Variants in IPO7 observed in about 807,000 individuals in gnomAD.
The protein encoded by IPO7 is importin-7.
IPO7 carries 13 observed loss-of-function variants against 136.4 expected under a neutral mutation model. The ratio of observed to expected loss-of-function variants is 0.10; its 90% CI spans 0.06 to 0.15. The LOEUF (loss-of-function observed/expected upper bound fraction) is 0.15, where lower values mean the gene tolerates loss of function less well. IPO7 is among the 10% of genes least tolerant of loss of function. The probability of loss-of-function intolerance (pLI) is 1.00; values close to 1 mark genes in which losing one functional copy is unlikely to be tolerated. For missense variants in IPO7, 857 were observed against 1,240.6 expected (o/e 0.69, Z 4.65); for synonymous variants, 403 against 404.4 (o/e 1.00, Z 0.04).
Position 9,414,345 on chromosome 11 carries a change from T to A in IPO7, c.570T>A (p.Ser190=), listed in dbSNP as rs745830272. 4 of 1,612,564 alleles carry A rather than the reference T, an allele frequency of 2.5e-6. No homozygotes were observed. The highest frequency in any genetic ancestry group is 3.4e-6 in the Non-Finnish European group (4 of 1,178,764). ...VLKDRFIQLL[S]DQSDQSVLIQ... ...AGGATCGTTTTATCCAGCTTCTTTCTGACCAGTCTGATCAGTCTGTCCTCA... is the reference window on the plus strand; with the variant it reads ...AGGATCGTTTTATCCAGCTTCTTTCAGACCAGTCTGATCAGTCTGTCCTCA... Residue 190 remains serine (S), a synonymous_variant, in exon 5 of 25, where the codon TCT becomes TCA. Transcript: ENST00000379719.
intron 20 of IPO7, among the ~76,000 whole-genome samples, chr11:9,436,868 A>AT (rs869227367): frequency 2.2e-4 from 4 of 18,230 alleles, no homozygotes; most frequent in South Asian, 3.3e-3. Flanking sequence ...ATATATATAT[A>AT]TTTTTTTTTT....
rs189077406 is a variant in IPO7 at position 9,439,720 on chromosome 11, C to T, written c.2696-735C>T. Among the ~76,000 whole-genome samples, 200 of 144,628 alleles carry T rather than the reference C, an allele frequency of 1.4e-3. 1 individual carries two copies. The highest frequency in any genetic ancestry group is 2.5e-3 in the Non-Finnish European group (162 of 64,520). 94.9% of individuals were successfully genotyped at this position (144,628 alleles called of 152,430 possible). A position where few individuals can be genotyped will look rare whatever the true frequency, so the allele number is the denominator to read the frequency against. ...CCTCCCAAGTAGCTGGGATTACAGGCGTGTGCCACCACACCGGCTAATTTT... is the reference window on the plus strand; with the variant it reads ...CCTCCCAAGTAGCTGGGATTACAGGTGTGTGCCACCACACCGGCTAATTTT... On this transcript the variant is annotated intron_variant, in intron 22 of 24. Transcript: ENST00000379719.
chr11:9,422,595 T>A (rs1234908228), intron 8 of IPO7, among the ~76,000 whole-genome samples: 1 of 152,104 alleles, frequency 6.6e-6, no homozygotes. Context: ...TGGGTAAGGT[T>A]TTCCCAGAAG....
chr11:9,390,659 C>A (rs1189843353), intron 1 of IPO7, among the ~76,000 whole-genome samples: 1 of 152,130 alleles, frequency 6.6e-6, no homozygotes, highest in African/African-American at 2.4e-5. Context: ...TGTTAAAGAT[C>A]TGAAAGAGTT....
intron 2 of IPO7, among the ~76,000 whole-genome samples, chr11:9,406,477 A>G (rs577873367): frequency 1.3e-5 from 2 of 152,322 alleles, no homozygotes; most frequent in African/African-American, 4.8e-5. Context: ...GTGTATTAGA[A>G]AAACAAATTA....
In IPO7 at chr11:9,403,281, T is replaced by C. The variant is rs1311800974; in HGVS notation, c.85-9T>C. On this transcript the variant is annotated splice_polypyrimidine_tract_variant and intron_variant, in intron 1 of 24. Coordinates refer to ENST00000379719, the MANE Select transcript of IPO7 (RefSeq NM_006391.3). ...GCAGAAGTTTAAAATGGACTTTTTT[T>C]CTTTGTAGGCACACAAGTCTCTGAA... is the stretch of plus-strand genomic sequence containing the variant. 4 of 1,600,596 alleles carry C rather than the reference T, an allele frequency of 2.5e-6. No individual in the cohort carries two copies. In the Admixed American group the frequency reaches 6.7e-5, roughly 27 times the overall value.
At chr11:9,389,039 T>A (rs1336969965) in intron 1 of IPO7, among the ~76,000 whole-genome samples, 1 of 151,814 alleles carries the variant, frequency 6.6e-6, no homozygotes, top group African/African-American at 2.4e-5. Context: ...TATTTATTTT[T>A]TAAAATTTAT....
At chr11:9,437,109 C>T (rs1855387595) in intron 20 of IPO7, among the ~76,000 whole-genome samples, 1 of 150,804 alleles carries the variant, frequency 6.6e-6, no homozygotes, top group South Asian at 2.1e-4. Flanking sequence ...TGGTCTCAAA[C>T]TCCTGACCTC....
intron 1 of IPO7, among the ~76,000 whole-genome samples, chr11:9,398,365 A>T (rs1239929571): frequency 6.6e-6 from 1 of 152,246 alleles, no homozygotes; most frequent in Non-Finnish European, 1.5e-5. Flanking sequence ...AATAAGCATT[A>T]TGAAGAAAAA....
At chr11:9,428,715 C>A (rs2133755539) in intron 13 of IPO7, 86 bp downstream of exon 13, 1 of 822,876 alleles carries the variant, frequency 1.2e-6, no homozygotes, top group South Asian at 1.4e-5. Flanking sequence ...TTTAAATGTT[C>A]ACTTTGAAGC....
rs1190494734 is a variant in IPO7 at position 9,403,300 on chromosome 11, C to G, written c.95C>G (p.Ser32Cys). 4 of 1,611,990 alleles carry G rather than the reference C, an allele frequency of 2.5e-6. No individual in the cohort carries two copies. In the African/African-American group the frequency reaches 5.3e-5, roughly 22 times the overall value. Residue 32 changes from serine to cysteine, a missense_variant, in exon 2 of 25, where the codon TCT (serine) becomes TGT (cysteine). By Grantham distance (112) the Ser-to-Cys change is moderately radical. Transcript: ENST00000379719. ...AERQLNEAHK[S>C]LNFVSTLLQI... ...TTTTTTTCTTTGTAGGCACACAAGT[C>G]TCTGAATTTTGTCTCAACACTGCTC... is the stretch of plus-strand genomic sequence containing the variant.
At position 9,403,389 on chromosome 11, in the gene IPO7, T is replaced by C. The variant is rs777804540; in HGVS notation, c.166+18T>C. The C allele has an allele frequency of 2.6e-6, 4 of 1,529,032 alleles. No individual in the cohort carries two copies. The highest frequency in any genetic ancestry group is 2.2e-5 in the East Asian group (1 of 44,490). The allele number at this position is 1,529,032 out of a possible 1,614,324, so 94.7% of individuals were successfully genotyped here. A position where few individuals can be genotyped will look rare whatever the true frequency, so the allele number is the denominator to read the frequency against. On this transcript the variant is annotated intron_variant, in intron 2 of 24. Transcript: ENST00000379719. ...ACAGGCAGGCAAGTTTCCTAAATTA[T>C]ATTGAGTGTATGTAATCTATTGTTT...
Position 9,437,888 on chromosome 11 carries a change from A to G in IPO7, c.2403A>G (p.Leu801=). Reference sequence around the variant, plus strand: ...ATCCACACCTACTACTCAATACCTTAGAAAATCTTCGCTTCCCTAATAATG... The same window carrying G: ...ATCCACACCTACTACTCAATACCTTGGAAAATCTTCGCTTCCCTAATAATG... ...YYNPHLLLNT[L]ENLRFPNNVE... Residue 801 remains leucine (L), a synonymous_variant, in exon 21 of 25, where the codon TTA becomes TTG. Transcript: ENST00000379719. 1 of 1,613,934 alleles carries G rather than the reference A, an allele frequency of 6.2e-7. No individual in the cohort carries two copies. The highest frequency in any genetic ancestry group is 1.1e-5 in the South Asian group (1 of 91,076).
chr11:9,412,456 A>C (rs1854980209), intron 4 of IPO7, among the ~76,000 whole-genome samples: 1 of 152,238 alleles, frequency 6.6e-6, no homozygotes, highest in African/African-American at 2.4e-5. Flanking sequence ...TGTGGCTCTT[A>C]GAATAATGAT....
intron 1 of IPO7, among the ~76,000 whole-genome samples, chr11:9,399,408 G>A (rs1047046140): frequency 3.9e-5 from 6 of 152,102 alleles, no homozygotes; most frequent in Non-Finnish European, 7.4e-5. Context: ...TGATCCACCC[G>A]CCTCGGCCTC....
At chr11:9,416,871 G>A (rs1355332482) in intron 5 of IPO7, among the ~76,000 whole-genome samples, 188 bp from the exon 6 acceptor site, 1 of 152,154 alleles carries the variant, frequency 6.6e-6, no homozygotes, top group Non-Finnish European at 1.5e-5. Flanking sequence ...CCAGTAAAAT[G>A]GGAATATGGC....
At chr11:9,405,039 A>T (rs1030111900) in intron 2 of IPO7, among the ~76,000 whole-genome samples, 2 of 152,184 alleles carry the variant, frequency 1.3e-5, no homozygotes, top group Admixed American at 6.5e-5. Flanking sequence ...GAAATAAATG[A>T]ATTTAAATTA....
intron 5 of IPO7, among the ~76,000 whole-genome samples, chr11:9,416,706 C>T (rs1855046649): frequency 6.6e-6 from 1 of 151,990 alleles, no homozygotes; most frequent in Non-Finnish European, 1.5e-5. Flanking sequence ...TTATGGATGT[C>T]AGATAAAGCA....
At chr11:9,443,072 C>T (rs971305428) in intron 24 of IPO7, among the ~76,000 whole-genome samples, 3 of 151,860 alleles carry the variant, frequency 2.0e-5, no homozygotes, top group Non-Finnish European at 2.9e-5. Flanking sequence ...GACATGGTGG[C>T]GCATGCTTGT....
Sources: allele counts gnomAD v4.1 joint callset (sites outside exome capture counted in the v4.1 genomes callset), GRCh38; gene constraint gnomAD v4.1.1; transcripts MANE v1.5; gene names NCBI Gene and HGNC (gene_info 2026-07-23, HGNC 2026-07-21).